GRM8: variants seen among roughly 807,000 people sequenced by gnomAD.
GRM8 encodes the protein glutamate metabotropic receptor 8.
A neutral mutation model predicts 87.2 loss-of-function variants in GRM8; 47 were observed. That is an observed-to-expected ratio of 0.54 (90% CI 0.43 to 0.69). GRM8 has a LOEUF of 0.69. GRM8 is among the 30% of genes least tolerant of loss of function. The pLI is 0.00. For missense variants in GRM8, 1,019 were observed against 1,139.2 expected, an observed-to-expected ratio of 0.89 and a Z score of 1.52; for synonymous variants, 396 against 404.5, an observed-to-expected ratio of 0.98 and a Z score of 0.25.
At chr7:126,849,263 C>T (rs1796984442) in intron 6 of GRM8, among the ~76,000 whole-genome samples, 1 of 152,158 alleles carries the variant, frequency 6.6e-6, no homozygotes, top group Middle Eastern at 3.4e-3. Context: ...GACTGTTGGT[C>T]TAGTTTTGAT....
intron 7 of GRM8, among the ~76,000 whole-genome samples, chr7:126,711,525 T>C (rs1050511411): frequency 9.2e-5 from 14 of 152,206 alleles, no homozygotes; most frequent in Non-Finnish European, 1.6e-4. Context: ...TCAATGAGCA[T>C]TGGCTTCAAT....
At chr7:126,678,226 AAAAAAG>A (rs1807196347) in intron 7 of GRM8, among the ~76,000 whole-genome samples, 2 of 152,220 alleles carry the variant, frequency 1.3e-5, no homozygotes, top group African/African-American at 4.8e-5. Flanking sequence ...CGCAGATCTA[AAAAAAG>A]ACACTTCCAC....
At chr7:127,173,307 A>G (rs982402137) in intron 2 of GRM8, among the ~76,000 whole-genome samples, 3 of 152,176 alleles carry the variant, frequency 2.0e-5, no homozygotes, top group African/African-American at 7.2e-5. Flanking sequence ...GTATCTTTTG[A>G]TCAAAGACTT....
chr7:126,909,564 C>T (rs1292999846), intron 3 of GRM8, among the ~76,000 whole-genome samples: 1 of 152,256 alleles, frequency 6.6e-6, no homozygotes, highest in East Asian at 1.9e-4. Context: ...TACTTACAGG[C>T]AAAATGTTAT....
intron 3 of GRM8, chr7:127,075,906 C>T (rs933452709): frequency 8.0e-6 from 2 of 251,082 alleles, no homozygotes; most frequent in Non-Finnish European, 1.6e-5. Context: ...CGAATGACTC[C>T]CTATCTTATT....
chr7:127,251,003 T>C (rs1342724772), intron 1 of GRM8: 1 of 152,246 alleles, frequency 6.6e-6, no homozygotes, highest in Non-Finnish European at 1.5e-5. Flanking sequence ...ATCGCGGTAG[T>C]AGCCCAGACT....
At chr7:126,703,991 G>A (rs959296761) in intron 7 of GRM8, among the ~76,000 whole-genome samples, 1 of 152,118 alleles carries the variant, frequency 6.6e-6, no homozygotes, top group Non-Finnish European at 1.5e-5. Context: ...AGGAAGAACT[G>A]GACGACTTCT....
At chr7:127,101,426 G>A (rs896740854) in intron 3 of GRM8, among the ~76,000 whole-genome samples, 1 of 152,188 alleles carries the variant, frequency 6.6e-6, no homozygotes, top group African/African-American at 2.4e-5. Context: ...GTGGGGCCTG[G>A]TGAGAGGTAT....
At chr7:126,668,098 GCTC>G (rs1403179570) in intron 7 of GRM8, among the ~76,000 whole-genome samples, 1 of 152,068 alleles carries the variant, frequency 6.6e-6, no homozygotes. Flanking sequence ...GAGGAGCCGG[GCTC>G]CTCCTCTTCC....
chr7:126,461,614 T>G (rs1428575768), intron 9 of GRM8, among the ~76,000 whole-genome samples: 1 of 151,664 alleles, frequency 6.6e-6, no homozygotes, highest in African/African-American at 2.4e-5. Context: ...GTCTTAACAT[T>G]CAACTCTACA....
chr7:126,604,849 A>C (rs944094924), intron 8 of GRM8, among the ~76,000 whole-genome samples: 8 of 152,212 alleles, frequency 5.3e-5, no homozygotes, highest in African/African-American at 1.9e-4. Flanking sequence ...AATCAGGTTC[A>C]AAATTATTAA....
At position 126,762,816 on chromosome 7, in the gene GRM8, A is replaced by C. The variant is rs560178790; in HGVS notation, c.1357+7049T>G. Among the ~76,000 whole-genome samples, 348 of 152,068 alleles carry C rather than the reference A, an allele frequency of 2.3e-3. 2 individuals carry two copies. The highest frequency in any genetic ancestry group is 7.9e-3 in the African/African-American group (328 of 41,542). Reference sequence around the variant, plus strand: ...TTCTTAGAATACCTTTCTAGAAATAAGAAAATAAGAATTTGATATGTACCA... The same window carrying C: ...TTCTTAGAATACCTTTCTAGAAATACGAAAATAAGAATTTGATATGTACCA... On this transcript the variant is annotated intron_variant, in intron 7 of 10. Transcript: ENST00000339582.
At chr7:126,481,400 G>T (rs1157642793) in intron 9 of GRM8, among the ~76,000 whole-genome samples, 2 of 152,002 alleles carry the variant, frequency 1.3e-5, no homozygotes, top group Non-Finnish European at 2.9e-5. Flanking sequence ...TCATAATGGA[G>T]AAATCTGGAA....
At chr7:126,554,589 T>C (rs1792940491) in intron 8 of GRM8, among the ~76,000 whole-genome samples, 1 of 151,822 alleles carries the variant, frequency 6.6e-6, no homozygotes, top group Non-Finnish European at 1.5e-5. Flanking sequence ...TGAAACCCTA[T>C]TTCAAAAAAA....
chr7:126,645,622 T>C (rs1802942449), intron 7 of GRM8, among the ~76,000 whole-genome samples: 1 of 152,248 alleles, frequency 6.6e-6, no homozygotes, highest in Non-Finnish European at 1.5e-5. Flanking sequence ...TGATTAATTT[T>C]GTCTATGCAG....
At chr7:126,831,621 G>C (rs189858567) in intron 6 of GRM8, among the ~76,000 whole-genome samples, 1 of 152,190 alleles carries the variant, frequency 6.6e-6, no homozygotes, top group East Asian at 1.9e-4. Flanking sequence ...TCCTTGACCA[G>C]GAAAGGGAAG....
chr7:127,036,809 C>T (rs557874137), intron 3 of GRM8, among the ~76,000 whole-genome samples: 4 of 152,246 alleles, frequency 2.6e-5, no homozygotes, highest in East Asian at 3.9e-4. Flanking sequence ...AGCAATTGTT[C>T]TGTCTTTTCT....
intron 3 of GRM8, among the ~76,000 whole-genome samples, chr7:127,005,962 T>C (rs1814248528): frequency 6.6e-6 from 1 of 151,840 alleles, no homozygotes; most frequent in Admixed American, 6.6e-5. Flanking sequence ...CATAACAAAT[T>C]CATTTTCCCA....
At chr7:127,016,708 G>A (rs909384815) in intron 3 of GRM8, among the ~76,000 whole-genome samples, 8 of 152,016 alleles carry the variant, frequency 5.3e-5, no homozygotes, top group Admixed American at 2.6e-4. Context: ...TGTATGATGT[G>A]TTCTCTCAAT....
Sources: allele counts gnomAD v4.1 joint callset (sites outside exome capture counted in the v4.1 genomes callset), GRCh38; gene constraint gnomAD v4.1.1; transcripts MANE v1.5; gene names NCBI Gene and HGNC (gene_info 2026-07-23, HGNC 2026-07-21).